The following DNMBP variants were observed in gnomAD, a reference collection of about 807,000 sequenced individuals.
The protein encoded by DNMBP is dynamin-binding protein.
A neutral mutation model predicts 150.0 loss-of-function variants in DNMBP; 87 were observed. The ratio of observed to expected loss-of-function variants is 0.58; its 90% CI spans 0.49 to 0.69. The LOEUF is 0.69. DNMBP is among the 30% of genes least tolerant of loss of function. DNMBP has a pLI of 0.00. For synonymous variants in DNMBP, 711 were observed against 750.4 expected (o/e 0.95, Z 0.86); for missense variants, 1,774 against 1,949.0 (o/e 0.91, Z 1.69).
At chr10:99,923,016 G>A (rs1299100459) in intron 4 of DNMBP, among the ~76,000 whole-genome samples, 1 of 152,138 alleles carries the variant, frequency 6.6e-6, no homozygotes, top group Non-Finnish European at 1.5e-5. Context: ...CAGTTTGGGA[G>A]GCCGAGTCAG....
chr10:99,969,171 A>T lies in DNMBP; in HGVS notation c.212T>A (p.Phe71Tyr). ...GGATGTGAATTCACAAATGCACACA[A>T]ACAGCCTCTCTCCCTCTTTTAGACT... ...IPSLKEGERL[F>Y]VCICEFTSQE... Residue 71 changes from phenylalanine (F) to tyrosine (Y), a missense_variant, in exon 3 of 17, where the codon TTT becomes TAT. Physicochemically the swap from Phe to Tyr is conservative, Grantham distance 22 (BLOSUM62 3). This residue lies in a region of DNMBP where 344 missense variants were observed against 456.6 expected (regional missense o/e 0.75). Transcript: ENST00000324109. 1 of 1,614,088 alleles carries T rather than the reference A, an allele frequency of 6.2e-7. No homozygotes were observed. Among genetic ancestry groups the T allele is most frequent in the Non-Finnish European group, 8.5e-7 (1 of 1,179,946 alleles).
chr10:99,970,833 G>A (rs192449205), intron 2 of DNMBP, among the ~76,000 whole-genome samples: 15 of 151,628 alleles, frequency 9.9e-5, no homozygotes, highest in African/African-American at 3.4e-4. Flanking sequence ...TTAGCCAGGC[G>A]TGGTGGCATG....
At position 99,886,554 on chromosome 10, in the gene DNMBP, GT is replaced by G; in HGVS notation, c.3363del (p.Gln1122ArgfsTer20). 6.2e-7 allele frequency: 1 copy of G among 1,614,140 alleles called. No individual in the cohort carries two copies. Among genetic ancestry groups the G allele is most frequent in the Non-Finnish European group, 8.5e-7 (1 of 1,180,024 alleles). ...TCCAGGAGCTTGTCAAAGCGTTTCT[GT>G]ACCAGCTTATGGGGCCCTGTAAACA... is the stretch of plus-strand genomic sequence containing the variant. ...LSMFTGPHKLVQKRFDKLLDF... is the reference protein window; with the variant it reads ...LSMFTGPHKLXQKRFDKLLDF... On this transcript the variant is annotated frameshift_variant, in exon 13 of 17. Transcript: ENST00000324109. LOFTEE classifies it high-confidence loss of function.
intron 2 of DNMBP, among the ~76,000 whole-genome samples, chr10:99,970,057 C>T (rs895698438): frequency 2.0e-5 from 3 of 152,210 alleles, no homozygotes; most frequent in African/African-American, 7.2e-5. Flanking sequence ...TCTCCCTCAA[C>T]CACTCACACC....
intron 4 of DNMBP, chr10:99,927,448 T>C (rs1030830196): frequency 2.6e-5 from 4 of 152,182 alleles, no homozygotes; most frequent in African/African-American, 9.7e-5. Context: ...ACTTTACAAA[T>C]TGAGAATCCG....
rs571562558 is a variant in DNMBP, at chr10:99,928,513, TAACA to T, written c.2261-19371_2261-19368del. Among the ~76,000 whole-genome samples, 363 of 152,306 alleles carry T rather than the reference TAACA, an allele frequency of 2.4e-3. 1 individual carries two copies. Among genetic ancestry groups the T allele is most frequent in the Non-Finnish European group, 4.5e-3 (309 of 68,012 alleles). ...ACAGCATACACACACACGAAAGGTTTAACAGAGAGTTCAGTAATTATAAAAATAA... is the reference window on the plus strand; with the variant it reads ...ACAGCATACACACACACGAAAGGTTTGAGAGTTCAGTAATTATAAAAATAA... On this transcript the variant is annotated intron_variant, in intron 4 of 16. Transcript: ENST00000324109.
chr10:99,895,140 T>TC, intron 10 of DNMBP, 90 bp from the exon 11 acceptor site: 1 of 708,414 alleles, frequency 1.4e-6, no homozygotes. Flanking sequence ...TTTTTTTTTT[T>TC]GTGGAGACGG....
At chr10:100,002,619 G>C (rs1006769613) in intron 1 of DNMBP, among the ~76,000 whole-genome samples, 1 of 152,148 alleles carries the variant, frequency 6.6e-6, no homozygotes, top group Non-Finnish European at 1.5e-5. Flanking sequence ...CGTAATGCCA[G>C]GAGGAAAAAG....
chr10:99,904,675 C>T (rs2039798259), intron 6 of DNMBP, among the ~76,000 whole-genome samples: 1 of 152,128 alleles, frequency 6.6e-6, no homozygotes, highest in African/African-American at 2.4e-5. Context: ...AGGTCTCAGC[C>T]TTTCAGTGTT....
chr10:99,970,887 G>A (rs543652176), intron 2 of DNMBP, among the ~76,000 whole-genome samples: 1 of 143,222 alleles, frequency 7.0e-6, no homozygotes, highest in Admixed American at 7.7e-5. Flanking sequence ...CAGGAGAATG[G>A]CATGAACCTG....
rs2040649752 is a variant in DNMBP, at chr10:99,969,125, G to A, written c.258C>T (p.Pro86=). 1 of 1,614,016 alleles carries A rather than the reference G, an allele frequency of 6.2e-7. No individual in the cohort carries two copies. The highest frequency in any genetic ancestry group is 8.5e-7 in the Non-Finnish European group (1 of 1,179,972). ...TGATGAGCAGCTTACCTCGATGGAG[G>A]GGAAGATTATCCAACTCTTGGGATG... ...EFTSQELDNL[P]LHRGDLVILD... is the part of the protein sequence containing the mutation. Residue 86 remains proline (P), a synonymous_variant, in exon 3 of 17, where the codon CCC becomes CCT. Coordinates refer to ENST00000324109, the MANE Select transcript of DNMBP (RefSeq NM_015221.4).
intron 4 of DNMBP, among the ~76,000 whole-genome samples, chr10:99,913,177 C>T (rs997069238): frequency 1.3e-5 from 2 of 152,040 alleles, no homozygotes; most frequent in African/African-American, 2.4e-5. Flanking sequence ...CGGGAGAAGG[C>T]GGCCTTCACC....
intron 6 of DNMBP, among the ~76,000 whole-genome samples, chr10:99,902,017 C>T (rs2039748241): frequency 6.6e-6 from 1 of 151,988 alleles, no homozygotes; most frequent in Non-Finnish European, 1.5e-5. Context: ...ATCCTCCGAC[C>T]TCAGCCTCCT....
chr10:100,004,047 C>A (rs1361326166), intron 1 of DNMBP, among the ~76,000 whole-genome samples: 2 of 147,336 alleles, frequency 1.4e-5, no homozygotes, highest in Non-Finnish European at 3.0e-5. Flanking sequence ...GCCTGGACAA[C>A]AAAGGGCGTC....
At chr10:99,980,384 T>C (rs1287518233) in intron 1 of DNMBP, among the ~76,000 whole-genome samples, 3 of 151,362 alleles carry the variant, frequency 2.0e-5, no homozygotes, top group South Asian at 2.1e-4. Context: ...AAGGCAGAGG[T>C]TGCAGTGAGC....
At chr10:99,897,353 A>C (rs1027331944) in intron 9 of DNMBP, among the ~76,000 whole-genome samples, 13 of 152,146 alleles carry the variant, frequency 8.5e-5, no homozygotes, top group Non-Finnish European at 1.8e-4. Context: ...CAGGACAAGA[A>C]AGGTGAGCAG....
At chr10:99,919,097 T>C (rs2039995828) in intron 4 of DNMBP, among the ~76,000 whole-genome samples, 2 of 152,170 alleles carry the variant, frequency 1.3e-5, no homozygotes, top group South Asian at 2.1e-4. Flanking sequence ...GGCAAGGTAA[T>C]AGTGCTCACG....
intron 4 of DNMBP, among the ~76,000 whole-genome samples, chr10:99,953,770 G>T (rs1266876227): frequency 1.4e-5 from 2 of 144,006 alleles, no homozygotes; most frequent in African/African-American, 5.3e-5. Context: ...AGTGAGCCAA[G>T]ATCTCACCAC....
At chr10:99,955,145 C>T in intron 4 of DNMBP, 69 bp downstream of exon 4, 1 of 1,397,742 alleles carries the variant, frequency 7.2e-7, no homozygotes, top group Non-Finnish European at 9.8e-7. Context: ...CCCTAAAAAG[C>T]CTGGGTAGGC....
Sources: allele counts gnomAD v4.1 joint callset (sites outside exome capture counted in the v4.1 genomes callset), GRCh38; gene constraint gnomAD v4.1.1; regional missense constraint gnomAD v4.1.1; transcripts MANE v1.5; gene names NCBI Gene and HGNC (gene_info 2026-07-23, HGNC 2026-07-21).